RAB11FIP4: variants seen among roughly 807,000 people sequenced by gnomAD.
RAB11FIP4 encodes RAB11 family interacting protein 4.
A neutral mutation model predicts 74.3 loss-of-function variants in RAB11FIP4; 23 were observed. That is an observed-to-expected ratio of 0.31 (90% CI 0.22 to 0.44). RAB11FIP4 has a LOEUF of 0.44. Ranked by LOEUF, RAB11FIP4 falls within the 20% of genes least tolerant of loss-of-function variation. RAB11FIP4 has a pLI of 1.00. For synonymous variants in RAB11FIP4, 360 were observed against 359.9 expected, an observed-to-expected ratio of 1.00 and a Z score of 0.00; for missense variants, 630 against 863.9, an observed-to-expected ratio of 0.73 and a Z score of 3.39.
At chr17:31,445,574 A>AT (rs2071453151) in intron 3 of RAB11FIP4, among the ~76,000 whole-genome samples, 3 of 10,034 alleles carry the variant, frequency 3.0e-4, no homozygotes, top group Non-Finnish European at 4.8e-4. Context: ...ATATATATAT[A>AT]TATATTTTTT....
chr17:31,427,860 A>G (rs905299468), intron 1 of RAB11FIP4, among the ~76,000 whole-genome samples: 1 of 152,160 alleles, frequency 6.6e-6, no homozygotes, highest in Non-Finnish European at 1.5e-5. Flanking sequence ...GGGCATTGCT[A>G]TTCTCAGAAG....
chr17:31,528,508 C>A lies in RAB11FIP4; in HGVS notation c.1459C>A (p.Leu487Ile), dbSNP rs1240265074. 1 of 1,613,910 alleles carries A rather than the reference C, an allele frequency of 6.2e-7. No individual in the cohort carries two copies. Among genetic ancestry groups the A allele is most frequent in the South Asian group, 1.1e-5 (1 of 91,086 alleles). ...GATGGACAAGCTGCGACAGAACCGC[C>A]TTGAGTTCCAGAAGGAGCGGGAGGC... is the stretch of plus-strand genomic sequence containing the variant. ...RMMDKLRQNR[L>I]EFQKEREATQ... The change falls in exon 12 of 15, where the codon CTT becomes ATT. Residue 487 changes from leucine (L) to isoleucine (I), a missense_variant. By Grantham distance (5) the Leu-to-Ile change is conservative (BLOSUM62 2). Coordinates refer to ENST00000621161, the MANE Select transcript of RAB11FIP4 (RefSeq NM_032932.6).
chr17:31,440,492 G>T (rs1398450814), intron 3 of RAB11FIP4, among the ~76,000 whole-genome samples: 1 of 152,208 alleles, frequency 6.6e-6, no homozygotes, highest in African/African-American at 2.4e-5. Context: ...TTTAAGGCCA[G>T]GTGCGGTGGC....
At chr17:31,394,949 G>A (rs1004171611) in intron 1 of RAB11FIP4, among the ~76,000 whole-genome samples, 8 of 124,424 alleles carry the variant, frequency 6.4e-5, no homozygotes, top group Non-Finnish European at 1.2e-4. Flanking sequence ...GGGGGGGGGG[G>A]GCTCCCTTAC....
intron 3 of RAB11FIP4, among the ~76,000 whole-genome samples, chr17:31,498,084 T>C (rs2072150554): frequency 6.6e-6 from 1 of 152,016 alleles, no homozygotes; most frequent in Non-Finnish European, 1.5e-5. Flanking sequence ...GGAAGGGGCT[T>C]TGCGAGCTGC....
chr17:31,500,357 G>A (rs1046493848), intron 3 of RAB11FIP4, among the ~76,000 whole-genome samples: 4 of 152,208 alleles, frequency 2.6e-5, no homozygotes, highest in Non-Finnish European at 4.4e-5. Flanking sequence ...GGGCAGTAGC[G>A]GCCCTCCTTC....
intron 3 of RAB11FIP4, among the ~76,000 whole-genome samples, chr17:31,481,084 A>C (rs1227543478): frequency 2.0e-5 from 3 of 152,134 alleles, no homozygotes; most frequent in Non-Finnish European, 4.4e-5. Context: ...GAAGGAATGA[A>C]TGAAAGAATG....
chr17:31,503,517 T>A (rs1470192348), intron 3 of RAB11FIP4, among the ~76,000 whole-genome samples: 1 of 149,076 alleles, frequency 6.7e-6, no homozygotes, highest in South Asian at 2.1e-4. Flanking sequence ...CCTGGCAGAG[T>A]AGAGGGGAGG....
rs1196401388 is a variant in RAB11FIP4 at position 31,512,578 on chromosome 17, G to T, written c.337-5073G>T. On this transcript the variant is annotated intron_variant, in intron 3 of 14. Transcript: ENST00000621161. This position sits in a 1 kb window ranked among gnomAD's most constrained non-coding sequence, Gnocchi z 4.1. ...TACCAGCCAAGCCTGTGGGCCTATG[G>T]TGGCTGGCCCTGTGTCCCAGGGTAC... Among the ~76,000 whole-genome samples, 2 of 152,200 alleles carry T rather than the reference G, an allele frequency of 1.3e-5. No homozygotes were observed. The highest frequency in any genetic ancestry group is 1.3e-4 in the Admixed American group (2 of 15,284).
chr17:31,476,965 C>T (rs1175720356), intron 3 of RAB11FIP4, among the ~76,000 whole-genome samples: 1 of 152,250 alleles, frequency 6.6e-6, no homozygotes, highest in East Asian at 1.9e-4. Context: ...GCTGTGGCCT[C>T]CTGTTTATTC....
At chr17:31,400,338 C>T (rs540018683) in intron 1 of RAB11FIP4, among the ~76,000 whole-genome samples, 1 of 152,288 alleles carries the variant, frequency 6.6e-6, no homozygotes, top group Non-Finnish European at 1.5e-5. Flanking sequence ...GAAACGTGGT[C>T]CAGGCAGAGG....
intron 3 of RAB11FIP4, among the ~76,000 whole-genome samples, chr17:31,463,803 CTTTTTTTTTTTTTTT>C (rs60955293): frequency 3.3e-4 from 11 of 32,842 alleles, no homozygotes; most frequent in East Asian, 1.3e-3. Context: ...TGCGCCTGGA[CTTTTTTTTTTTTTTT>C]TTTTTTTTTT....
intron 1 of RAB11FIP4, among the ~76,000 whole-genome samples, chr17:31,400,491 G>A (rs989930709): frequency 5.9e-5 from 9 of 152,198 alleles, no homozygotes; most frequent in African/African-American, 1.9e-4. Flanking sequence ...GGAGATACAG[G>A]ATCAGACTTA....
chr17:31,528,455 A>G lies in RAB11FIP4; in HGVS notation c.1406A>G (p.Lys469Arg). The change falls in exon 12 of 15, where the codon AAA (lysine) becomes AGA (arginine). Residue 469 changes from lysine (K) to arginine (R), a missense_variant. By Grantham distance (26) the Lys-to-Arg change is conservative. Transcript: ENST00000621161. ...CTGGAGGACACCAGCCTGCGGCTCA[A>G]AGATGAGATGGACCTGTACAAGCGC... ...DRLEDTSLRL[K>R]DEMDLYKRMM... The G allele has an allele frequency of 5.6e-6, 9 of 1,613,564 alleles. No homozygotes were observed. The highest frequency in any genetic ancestry group is 1.1e-5 in the South Asian group (1 of 91,088).
intron 3 of RAB11FIP4, among the ~76,000 whole-genome samples, chr17:31,441,225 T>G (rs976250914): frequency 3.5e-4 from 53 of 151,976 alleles, no homozygotes; most frequent in African/African-American, 1.3e-3. Context: ...GGGGTTCTAC[T>G]ACGTTGGCCA....
chr17:31,475,137 T>C (rs139295991), intron 3 of RAB11FIP4, among the ~76,000 whole-genome samples: 177 of 152,208 alleles, frequency 1.2e-3, no homozygotes, highest in African/African-American at 4.2e-3. Context: ...GAAGGGTCCA[T>C]CTGTGAATAA....
rs1197769043 is a variant in RAB11FIP4, at chr17:31,533,787, C to T, written c.*2055C>T. The T allele has an allele frequency of 6.6e-6, 1 of 152,302 alleles. No homozygotes were observed. Among genetic ancestry groups the T allele is most frequent in the East Asian group, 1.9e-4 (1 of 5,162 alleles). 9.4% of individuals were successfully genotyped at this position (152,302 alleles called of 1,614,324 possible). On this transcript the variant is annotated 3_prime_UTR_variant, in exon 15 of 15. Transcript: ENST00000621161. Reference sequence around the variant, plus strand: ...GGCAGCCTGGGGCGTGCTTCAGGCTCCTCCCTCTAAGGGGCGCCATGGGAA... The same window carrying T: ...GGCAGCCTGGGGCGTGCTTCAGGCTTCTCCCTCTAAGGGGCGCCATGGGAA...
chr17:31,403,262 T>C (rs1217585721), intron 1 of RAB11FIP4, among the ~76,000 whole-genome samples: 2 of 152,014 alleles, frequency 1.3e-5, no homozygotes, highest in Admixed American at 6.5e-5. Context: ...AGAGAGGATA[T>C]GGAGACCCAA....
intron 3 of RAB11FIP4, among the ~76,000 whole-genome samples, chr17:31,501,425 C>T (rs1466540278): frequency 6.6e-6 from 1 of 152,166 alleles, no homozygotes; most frequent in African/African-American, 2.4e-5. Context: ...CTTACTTTAG[C>T]CTACAGTTGG....
Sources: allele counts gnomAD v4.1 joint callset (sites outside exome capture counted in the v4.1 genomes callset), GRCh38; gene constraint gnomAD v4.1.1; non-coding constraint Gnocchi (gnomAD v3.1); transcripts MANE v1.5; gene names NCBI Gene and HGNC (gene_info 2026-07-23, HGNC 2026-07-21).